TTN: variants seen among roughly 807,000 people sequenced by gnomAD.
TTN encodes the protein connectin.
In TTN, 1,525 loss-of-function variants were observed where a neutral mutation model predicts 3,223.0. That is an observed-to-expected ratio of 0.47 (90% confidence interval 0.45 to 0.49). The LOEUF is 0.49. Ranked by LOEUF, TTN falls within the 20% of genes least tolerant of loss-of-function variation. The probability of loss-of-function intolerance (pLI) is 0.00; values close to 1 mark genes in which losing one functional copy is unlikely to be tolerated. For missense variants in TTN, 40,786 were observed against 43,424.0 expected (o/e 0.94, Z 5.40); for synonymous variants, 14,094 against 15,161.0 (o/e 0.93, Z 5.17).
In TTN at chr2:178,569,741, GT is replaced by G; in HGVS notation, c.76390del (p.Thr25464GlnfsTer3). On this transcript the variant is annotated frameshift_variant, in exon 326 of 363. Transcript: ENST00000589042. LOFTEE classifies it high-confidence loss of function. ...MCTPPTGINK[T>X]NIEVEKLLEK... ...CAACAGCTTCTCTACTTCTATGTTTGTTTTATTAATTCCTGTTGGTGGAGTG... is the reference window on the plus strand; with the variant it reads ...CAACAGCTTCTCTACTTCTATGTTTGTTTATTAATTCCTGTTGGTGGAGTG... 1 of 1,613,128 alleles carries G rather than the reference GT, an allele frequency of 6.2e-7. No individual in the cohort carries two copies. The highest frequency in any genetic ancestry group is 8.5e-7 in the Non-Finnish European group (1 of 1,179,588).
In TTN at chr2:178,711,170, C is replaced by G; in HGVS notation, c.28066G>C (p.Ala9356Pro). 5 of 1,613,808 alleles carry G rather than the reference C, an allele frequency of 3.1e-6. No homozygotes were observed. The highest frequency in any genetic ancestry group is 4.2e-6 in the Non-Finnish European group (5 of 1,179,788). The change falls in exon 97 of 363, where the codon GCC becomes CCC. Residue 9356 changes from alanine (A) to proline (P), a missense_variant. Physicochemically the swap from Ala to Pro is conservative, Grantham distance 27. Transcript: ENST00000589042. ...NVQTSFLDNT[A>P]TLNIFKTDRS... ...TCAGTTTTAAAAATATTGAGTGTGG[C>G]TGTATTGTCTAAAAATGATGTTTGT...
At position 178,580,029 on chromosome 2, in the gene TTN, C is replaced by T. The variant is rs530426755; in HGVS notation, c.67258G>A (p.Glu22420Lys). The stretch of plus-strand genomic sequence containing the variant: ...ACTCGGAAGAAGTAGGATTTTCCCT[C>T]CTCCAAATTAGCTACTCTGAAGCTT... ...KTSFRVANLE[E>K]GKSYFFRVFA... The change falls in exon 318 of 363, where the codon GAG becomes AAG. Residue 22420 changes from glutamate to lysine, a missense_variant. Physicochemically the swap from Glu to Lys is moderately conservative, Grantham distance 56 (BLOSUM62 1). Transcript: ENST00000589042. 1 of 1,613,312 alleles carries T rather than the reference C, an allele frequency of 6.2e-7. No homozygotes were observed. Among genetic ancestry groups the T allele is most frequent in the East Asian group, 2.2e-5 (1 of 44,778 alleles).
chr2:178,592,614 GTGT>G lies in TTN; in HGVS notation c.59388_59390del (p.Gln19796del), dbSNP rs767808005. 6.2e-7 allele frequency: 1 copy of G among 1,613,360 alleles called. No homozygotes were observed. The highest frequency in any genetic ancestry group is 8.5e-7 in the Non-Finnish European group (1 of 1,179,580). On this transcript the variant is annotated inframe_deletion, in exon 301 of 363. Coordinates refer to ENST00000589042, the MANE Select transcript of TTN (RefSeq NM_001267550.2). The stretch of plus-strand genomic sequence containing the variant: ...GTCTTAGAGTATCACCAACTTTAAT[GTGT>G]TGTTCTCTTGCCATGTTGGCATCAA...
At chr2:178,711,619 A>T (rs1366361467) in intron 96 of TTN, among the ~76,000 whole-genome samples, 1 of 152,214 alleles carries the variant, frequency 6.6e-6, no homozygotes, top group Non-Finnish European at 1.5e-5. Flanking sequence ...CTGGGCAAGC[A>T]GCAGATTCCT....
chr2:178,638,330 A>C (rs1043562858), intron 223 of TTN, among the ~76,000 whole-genome samples: 10 of 150,850 alleles, frequency 6.6e-5, no homozygotes, highest in Non-Finnish European at 1.3e-4. Context: ...TTATATAAAA[A>C]TATATAAACA....
intron 282 of TTN, 45 bp downstream of exon 282, chr2:178,603,831 C>A: frequency 2.0e-6 from 3 of 1,502,672 alleles, no homozygotes; most frequent in Non-Finnish European, 2.7e-6. Flanking sequence ...CATTTAGTGA[C>A]TTTGTGCTTT....
rs1261567217 is a variant in TTN at position 178,565,693 on chromosome 2, C to A, written c.80439G>T (p.Leu26813=). The change falls in exon 326 of 363, where the codon CTG becomes CTT. Residue 26813 remains leucine, a synonymous_variant. Transcript: ENST00000589042. ...TGGGCTGCATTTCAACAACGTACCC[C>A]AGGACTCTGCTACCGCCATCATGTT... The part of the protein sequence containing the change: ...KPEHDGGSRV[L]GYVVEMQPKG... 1 of 1,613,482 alleles carries A rather than the reference C, an allele frequency of 6.2e-7. No individual in the cohort carries two copies. Among genetic ancestry groups the A allele is most frequent in the Non-Finnish European group, 8.5e-7 (1 of 1,179,648 alleles).
intron 232 of TTN, 43 bp from the exon 233 acceptor site, chr2:178,633,369 T>C: frequency 1.2e-6 from 2 of 1,613,044 alleles, no homozygotes; most frequent in Non-Finnish European, 1.7e-6. Flanking sequence ...ACTAATAAAC[T>C]GCAGATTCAG....
In TTN at chr2:178,632,635, C is replaced by G. The variant is rs756061256; in HGVS notation, c.43371G>C (p.Lys14457Asn). Residue 14457 changes from lysine (K) to asparagine (N), a missense_variant, in exon 235 of 363, where the codon AAG becomes AAC. Coordinates refer to ENST00000589042, the MANE Select transcript of TTN (RefSeq NM_001267550.2). The part of the protein sequence containing the change: ...ITGDDRFELI[K>N]DGTKHSMVIK... The stretch of plus-strand genomic sequence containing the variant: ...TCACCATTGAATGCTTAGTGCCATC[C>G]TTTATAAGCTCAAATCTGTCATCAC... 1 of 1,613,476 alleles carries G rather than the reference C, an allele frequency of 6.2e-7. No individual in the cohort carries two copies. The highest frequency in any genetic ancestry group is 8.5e-7 in the Non-Finnish European group (1 of 1,179,570).
Position 178,574,693 on chromosome 2 carries a change from G to A in TTN, c.71439C>T (p.Ile23813=). ...AGTTGGCAACTATGCATGCTGATGT[G>A]ATGCCTGGTCCAACTCCATATCTAT... The part of the protein sequence containing the change: ...AQNRYGVGPG[I]TSACIVANYP... The change falls in exon 326 of 363, where the codon ATC becomes ATT. Residue 23813 remains isoleucine (I), a synonymous_variant. Transcript: ENST00000589042. 1.2e-6 allele frequency: 2 copies of A among 1,613,370 alleles called. No homozygotes were observed. The highest frequency in any genetic ancestry group is 1.7e-6 in the Non-Finnish European group (2 of 1,179,564).
In TTN at chr2:178,594,119, G is replaced by A. The variant is rs727504525; in HGVS notation, c.58274C>T (p.Ala19425Val). 8 of 1,613,326 alleles carry A rather than the reference G, an allele frequency of 5.0e-6. No individual in the cohort carries two copies. In the Admixed American group the frequency reaches 8.3e-5, roughly 17 times the overall value. The change falls in exon 297 of 363, where the codon GCT (alanine) becomes GTT (valine). Residue 19425 changes from alanine to valine, a missense_variant. Ala to Val is a moderately conservative substitution (Grantham distance 64). Coordinates refer to ENST00000589042, the MANE Select transcript of TTN (RefSeq NM_001267550.2). ...KPKVSWFKDE[A>V]DVLEDDRTHI... ...AGTGCGATCATCTTCCAGCACATCAGCTTCATCTTTGAACCAGGAAACCTT... is the reference window on the plus strand; with the variant it reads ...AGTGCGATCATCTTCCAGCACATCAACTTCATCTTTGAACCAGGAAACCTT...
At chr2:178,794,373 G>T in intron 8 of TTN, 26 bp downstream of exon 8, 2 of 1,613,710 alleles carry the variant, frequency 1.2e-6, no homozygotes. Flanking sequence ...GGCTCTGCGG[G>T]TGCCCCATGG....
chr2:178,582,324 A>G lies in TTN; in HGVS notation c.66132T>C (p.Thr22044=), dbSNP rs1575933115. 1 of 1,596,904 alleles carries G rather than the reference A, an allele frequency of 6.3e-7. No individual in the cohort carries two copies. Among genetic ancestry groups the G allele is most frequent in the East Asian group, 2.2e-5 (1 of 44,542 alleles). Residue 22044 remains threonine, a synonymous_variant, in exon 314 of 363, where the codon ACT becomes ACC. Transcript: ENST00000589042. ...ATGGGTTTTTGGCAATTGCTGGTTC[A>G]GTGAAGACTGGATCGCCTACTCCAT... ...NKYGVGDPVF[T]EPAIAKNPYD... is the part of the protein sequence containing the mutation.
Position 178,589,672 on chromosome 2 carries a change from C to A in TTN, c.62053G>T (p.Val20685Phe), listed in dbSNP as rs748181916. Residue 20685 changes from valine to phenylalanine, a missense_variant, in exon 304 of 363, where the codon GTC becomes TTC. By Grantham distance (50) the Val-to-Phe change is conservative. Coordinates refer to ENST00000589042, the MANE Select transcript of TTN (RefSeq NM_001267550.2). Reference protein sequence around the residue: ...LHIADKGKTFVYLKWRRPDYD... With the variant: ...LHIADKGKTFFYLKWRRPDYD... The stretch of plus-strand genomic sequence containing the variant: ...TCAGGCCTCCGCCACTTTAGATAGA[C>A]AAATGTCTTTCCTTTATCTGCAATG... 3.7e-6 allele frequency: 6 copies of A among 1,613,506 alleles called. No homozygotes were observed. The highest frequency in any genetic ancestry group is 3.3e-5 in the Admixed American group (2 of 59,990).
rs1369168876 is a variant in TTN at position 178,537,828 on chromosome 2, T to G, written c.99379A>C (p.Arg33127=). 6.2e-7 allele frequency: 1 copy of G among 1,613,612 alleles called. No individual in the cohort carries two copies. The highest frequency in any genetic ancestry group is 1.3e-5 in the African/African-American group (1 of 74,912). The part of the protein sequence containing the change: ...AAQLSCQIVG[R]PLPDIKWYRF... ...TACCATTTAATGTCAGGAAGAGGCC[T>G]TCCAACAATCTGGCATGAGAGTTGA... Residue 33127 remains arginine, a synonymous_variant, in exon 355 of 363, where the codon AGG becomes CGG. Coordinates refer to ENST00000589042, the MANE Select transcript of TTN (RefSeq NM_001267550.2).
intron 219 of TTN, 119 bp downstream of exon 219, chr2:178,642,118 A>C: frequency 1.3e-6 from 1 of 771,386 alleles, no homozygotes; most frequent in Admixed American, 3.8e-5. Flanking sequence ...ACTACAAACA[A>C]ATTTTGATAA....
Position 178,572,081 on chromosome 2 carries a change from T to G in TTN, c.74051A>C (p.Glu24684Ala). 1 of 1,613,272 alleles carries G rather than the reference T, an allele frequency of 6.2e-7. No individual in the cohort carries two copies. Among genetic ancestry groups the G allele is most frequent in the Non-Finnish European group, 8.5e-7 (1 of 1,179,564 alleles). ...ATITGLIQGE[E>A]YSFRVSAQNE... ...CTGAGCTGAAACACGGAAAGAGTAT[T>G]CTTCACCCTGAATTAATCCAGTGAT... Residue 24684 changes from glutamate to alanine, a missense_variant, in exon 326 of 363, where the codon GAA becomes GCA. Coordinates refer to ENST00000589042, the MANE Select transcript of TTN (RefSeq NM_001267550.2).
rs191551032 is a variant in TTN, at chr2:178,621,576, C to G, written c.45248G>C (p.Arg15083Pro). 5 of 1,612,440 alleles carry G rather than the reference C, an allele frequency of 3.1e-6. No homozygotes were observed. Among genetic ancestry groups the G allele is most frequent in the African/African-American group, 1.3e-5 (1 of 74,910 alleles). Residue 15083 changes from arginine to proline, a missense_variant, in exon 245 of 363, where the codon CGG (arginine) becomes CCG (proline). Physicochemically the swap from Arg to Pro is moderately radical, Grantham distance 103. Transcript: ENST00000589042. Reference protein sequence around the residue: ...TGRYEILTEGRKRILVIQNAH... With the variant: ...TGRYEILTEGPKRILVIQNAH... ...GTTCTGAATGACCAGGATTCTCTTCCGTCCTTCAGTCAGTATTTCATATCT... is the reference window on the plus strand; with the variant it reads ...GTTCTGAATGACCAGGATTCTCTTCGGTCCTTCAGTCAGTATTTCATATCT...
rs1363670361 is a variant in TTN at position 178,764,702 on chromosome 2, G to C, written c.9813C>G (p.Ser3271=). 1.1e-5 allele frequency: 17 copies of C among 1,614,040 alleles called. No individual in the cohort carries two copies. The highest frequency in any genetic ancestry group is 1.4e-5 in the Non-Finnish European group (16 of 1,180,012). ...AAAGCAGCTGCTCTTCCTTGTACCA[G>C]GAAATTTTGGGCTGTGGTCTTCCGG... ...VISGRPQPKI[S]WYKEEQLLST... The change falls in exon 42 of 363, where the codon TCC becomes TCG. Residue 3271 remains serine (S), a synonymous_variant. Coordinates refer to ENST00000589042, the MANE Select transcript of TTN (RefSeq NM_001267550.2).
Sources: allele counts gnomAD v4.1 joint callset (sites outside exome capture counted in the v4.1 genomes callset), GRCh38; gene constraint gnomAD v4.1.1; transcripts MANE v1.5; gene names NCBI Gene and HGNC (gene_info 2026-07-23, HGNC 2026-07-21).